Variants in SDK1 observed in about 807,000 individuals in gnomAD.
SDK1 encodes the protein sidekick cell adhesion molecule 1, also known as protein sidekick-1.
SDK1 carries 157 observed loss-of-function variants against 245.5 expected under a neutral mutation model. That is an observed-to-expected ratio of 0.64 (90% CI 0.56 to 0.73). The LOEUF is 0.73. Among genes scored for constraint, SDK1 ranks in the 30% least tolerant of loss-of-function variants. SDK1 has a pLI of 0.00. For synonymous variants in SDK1, 1,647 were observed against 1,278.5 expected (o/e 1.29, Z -6.15); for missense variants, 3,583 against 3,002.3 (o/e 1.19, Z -4.52).
chr7:3,687,314 A>C (rs1159120160), intron 4 of SDK1, among the ~76,000 whole-genome samples: 1 of 151,724 alleles, frequency 6.6e-6, no homozygotes. Flanking sequence ...TTTTTAGGAG[A>C]GATGGGGTTT....
At chr7:3,556,028 A>G (rs1779576326) in intron 1 of SDK1, among the ~76,000 whole-genome samples, 2 of 152,188 alleles carry the variant, frequency 1.3e-5, no homozygotes, top group Admixed American at 1.3e-4. Context: ...AAAAAGTAAA[A>G]ATAGAGCTAC....
Position 3,915,555 on chromosome 7 carries a change from C to G in SDK1, c.848-35368C>G, listed in dbSNP as rs368739685. The stretch of plus-strand genomic sequence containing the variant: ...CCATGTAAGACATCCTTTTGCTCTT[C>G]CTTCATCTTACACCATGATGGTGGG... On this transcript the variant is annotated intron_variant, in intron 5 of 44. Coordinates refer to ENST00000404826, the MANE Select transcript of SDK1 (RefSeq NM_152744.4). 1.1e-4 allele frequency among the ~76,000 whole-genome samples: 16 copies of G among 152,322 alleles called. No individual in the cohort carries two copies. The East Asian group carries it at 3.1e-3, about 29-fold the overall frequency.
intron 1 of SDK1, among the ~76,000 whole-genome samples, chr7:3,608,980 G>T (rs1163764719): frequency 6.6e-6 from 1 of 152,074 alleles, no homozygotes; most frequent in Non-Finnish European, 1.5e-5. Context: ...TGCAGAAGCA[G>T]GTGTGAGAAT....
chr7:4,219,260 G>T (rs1785004152), intron 38 of SDK1, among the ~76,000 whole-genome samples: 1 of 152,206 alleles, frequency 6.6e-6, no homozygotes, highest in Non-Finnish European at 1.5e-5. Context: ...CAGCCTCCTC[G>T]TGGGGTCTAA....
intron 1 of SDK1, among the ~76,000 whole-genome samples, chr7:3,604,107 G>T (rs986450894): frequency 6.6e-6 from 1 of 152,126 alleles, no homozygotes; most frequent in Non-Finnish European, 1.5e-5. Flanking sequence ...GAGGATTTTT[G>T]CATCGATGTT....
At position 4,176,844 on chromosome 7, in the gene SDK1, G is replaced by A. The variant is rs144686744; in HGVS notation, c.4996+1010G>A. Among the ~76,000 whole-genome samples, 23 of 152,262 alleles carry A rather than the reference G, an allele frequency of 1.5e-4. No homozygotes were observed. In the East Asian group the frequency reaches 2.9e-3, roughly 19 times the overall value. On this transcript the variant is annotated intron_variant, in intron 34 of 44. Coordinates refer to ENST00000404826, the MANE Select transcript of SDK1 (RefSeq NM_152744.4). ...AGTCAAGACTGAATAATATCCCATC[G>A]AATGAAAGACCACGTTTTGTTTCTC...
At chr7:4,040,561 G>A (rs76845125) in intron 17 of SDK1, among the ~76,000 whole-genome samples, 1,615 of 152,244 alleles carry the variant, frequency 0.011, 6 homozygotes, top group South Asian at 0.018. Context: ...AGAGGGGTCC[G>A]GAGTGGGTTT....
intron 42 of SDK1, among the ~76,000 whole-genome samples, chr7:4,240,141 A>G (rs901185165): frequency 2.0e-5 from 3 of 152,188 alleles, no homozygotes; most frequent in African/African-American, 7.2e-5. Context: ...AGTTAATGCT[A>G]TTACAGAATC....
At chr7:3,496,210 G>C (rs970813450) in intron 1 of SDK1, among the ~76,000 whole-genome samples, 1 of 152,068 alleles carries the variant, frequency 6.6e-6, no homozygotes, top group African/African-American at 2.4e-5. Context: ...GACCTGTCTC[G>C]TGGGATCGCT....
At chr7:3,499,789 C>T (rs540150147) in intron 1 of SDK1, among the ~76,000 whole-genome samples, 12 of 152,238 alleles carry the variant, frequency 7.9e-5, no homozygotes, top group South Asian at 2.1e-4. Context: ...TGGCCAAGGG[C>T]AAGAATGGGT....
At chr7:3,979,292 A>C (rs1783211321) in intron 13 of SDK1, among the ~76,000 whole-genome samples, 1 of 152,194 alleles carries the variant, frequency 6.6e-6, no homozygotes, top group South Asian at 2.1e-4. Context: ...TCTAAGTCCT[A>C]GCTCTTCGTG....
chr7:4,056,507 C>T (rs751923563), intron 19 of SDK1, among the ~76,000 whole-genome samples: 8 of 152,300 alleles, frequency 5.3e-5, no homozygotes, highest in East Asian at 3.9e-4. Flanking sequence ...AAGTGAAGTG[C>T]AGCAGCTCCT....
chr7:3,485,015 A>C (rs928352706), intron 1 of SDK1, among the ~76,000 whole-genome samples: 1 of 152,106 alleles, frequency 6.6e-6, no homozygotes, highest in Non-Finnish European at 1.5e-5. Flanking sequence ...TTGGGTATAT[A>C]CCCAGCAGCG....
intron 4 of SDK1, among the ~76,000 whole-genome samples, chr7:3,666,539 C>A (rs528836722): frequency 6.6e-6 from 1 of 152,190 alleles, no homozygotes; most frequent in African/African-American, 2.4e-5. Context: ...GACACCTCTC[C>A]CTGTTGCAGG....
chr7:3,883,630 T>A (rs1781260038), intron 5 of SDK1, among the ~76,000 whole-genome samples: 1 of 152,088 alleles, frequency 6.6e-6, no homozygotes, highest in Non-Finnish European at 1.5e-5. Flanking sequence ...TTCGAAGAAA[T>A]CAAAACTGTG....
intron 5 of SDK1, among the ~76,000 whole-genome samples, chr7:3,851,899 C>A (rs958444035): frequency 4.6e-5 from 7 of 152,180 alleles, no homozygotes; most frequent in Non-Finnish European, 2.9e-5. Context: ...ATACCCCTGA[C>A]AGATTTTGAC....
chr7:3,306,996 A>G (rs1043251469), intron 1 of SDK1, among the ~76,000 whole-genome samples: 3 of 152,192 alleles, frequency 2.0e-5, no homozygotes, highest in Non-Finnish European at 4.4e-5. Flanking sequence ...TTGAAAGTTG[A>G]ATTAAGCTCA....
chr7:3,503,307 C>T (rs553144642), intron 1 of SDK1, among the ~76,000 whole-genome samples: 195 of 152,274 alleles, frequency 1.3e-3, no homozygotes, highest in Non-Finnish European at 2.5e-3. Flanking sequence ...TTATAAATTT[C>T]AAAATGATAC....
At chr7:3,903,825 C>T (rs9886069) in intron 5 of SDK1, among the ~76,000 whole-genome samples, 51,497 of 151,976 alleles carry the variant, frequency 0.34, 12,399 homozygotes, top group African/African-American at 0.69. Flanking sequence ...CCCTCATGAA[C>T]AGATTAGTAC....
Sources: allele counts gnomAD v4.1 joint callset (sites outside exome capture counted in the v4.1 genomes callset), GRCh38; gene constraint gnomAD v4.1.1; transcripts MANE v1.5; gene names NCBI Gene and HGNC (gene_info 2026-07-23, HGNC 2026-07-21).